TIAM1: variants seen among roughly 807,000 people sequenced by gnomAD.
TIAM1 encodes TIAM Rac1 associated GEF 1.
Under a neutral mutation model 163.5 loss-of-function variants are expected in TIAM1, and 65 were observed. The observed-to-expected ratio is 0.40, with a 90% CI of 0.33 to 0.49. The LOEUF (loss-of-function observed/expected upper bound fraction) is 0.49. Ranked by LOEUF, TIAM1 falls within the 20% of genes least tolerant of loss-of-function variation. TIAM1 has a pLI of 0.77. For missense variants in TIAM1, 1,789 were observed against 2,044.7 expected (o/e 0.87, Z 2.41); for synonymous variants, 833 against 810.1 (o/e 1.03, Z -0.48).
intron 19 of TIAM1, among the ~76,000 whole-genome samples, chr21:31,149,680 T>C (rs186173779): frequency 8.5e-5 from 13 of 152,360 alleles, no homozygotes; most frequent in African/African-American, 2.6e-4. Flanking sequence ...TTAAAGTATG[T>C]CTATAACCAT....
At chr21:31,195,767 G>A (rs76461005) in intron 12 of TIAM1, among the ~76,000 whole-genome samples, 6 of 152,250 alleles carry the variant, frequency 3.9e-5, no homozygotes, top group African/African-American at 1.2e-4. Flanking sequence ...AACAAATTAC[G>A]TAAAGGAGGA....
chr21:31,325,667 CAAAA>C (rs200884558), intron 2 of TIAM1, among the ~76,000 whole-genome samples: 1 of 99,954 alleles, frequency 1.0e-5, no homozygotes. Flanking sequence ...GACTCTGACT[CAAAA>C]AAAAAAAAAA....
At chr21:31,210,392 T>G (rs2086660476) in intron 10 of TIAM1, among the ~76,000 whole-genome samples, 177 bp from the exon 11 acceptor site, 1 of 151,274 alleles carries the variant, frequency 6.6e-6, no homozygotes. Flanking sequence ...AAAGCAGATT[T>G]ATGGTGCAAT....
intron 2 of TIAM1, among the ~76,000 whole-genome samples, chr21:31,371,278 C>G (rs545951473): frequency 4.6e-5 from 7 of 152,294 alleles, no homozygotes; most frequent in African/African-American, 1.7e-4. Context: ...ATCATTCAGG[C>G]AACAGGACTG....
At chr21:31,468,045 C>A (rs1252701090) in intron 1 of TIAM1, among the ~76,000 whole-genome samples, 1 of 149,638 alleles carries the variant, frequency 6.7e-6, no homozygotes, top group East Asian at 2.0e-4. Context: ...AGGATCATCA[C>A]ACCATTGCAC....
At chr21:31,399,207 T>C (rs1220470665) in intron 2 of TIAM1, among the ~76,000 whole-genome samples, 4 of 152,066 alleles carry the variant, frequency 2.6e-5, no homozygotes, top group African/African-American at 4.8e-5. Flanking sequence ...ATAACATCAA[T>C]GCCCCCTGAG....
chr21:31,466,669 C>T (rs2045543712), intron 1 of TIAM1, among the ~76,000 whole-genome samples: 1 of 152,198 alleles, frequency 6.6e-6, no homozygotes. Context: ...ATCCAGACGT[C>T]CTGGCCCGAA....
At chr21:31,278,328 T>C (rs1307018979) in intron 2 of TIAM1, among the ~76,000 whole-genome samples, 1 of 152,228 alleles carries the variant, frequency 6.6e-6, no homozygotes, top group Non-Finnish European at 1.5e-5. Context: ...GGAAAATCAA[T>C]GGACAAGAGC....
chr21:31,480,885 CTGTGA>C (rs2046088801), intron 1 of TIAM1, among the ~76,000 whole-genome samples: 2 of 152,166 alleles, frequency 1.3e-5, no homozygotes, highest in Non-Finnish European at 2.9e-5. Flanking sequence ...TCCCGAATAG[CTGTGA>C]TTACAGACAT....
chr21:31,498,552 G>A (rs1384744346), intron 1 of TIAM1, among the ~76,000 whole-genome samples: 1 of 152,204 alleles, frequency 6.6e-6, no homozygotes, highest in Non-Finnish European at 1.5e-5. Flanking sequence ...GGGCACACCT[G>A]TGCATGTTTG....
intron 2 of TIAM1, among the ~76,000 whole-genome samples, chr21:31,422,719 C>T (rs1368627594): frequency 6.6e-6 from 1 of 152,204 alleles, no homozygotes; most frequent in Non-Finnish European, 1.5e-5. Flanking sequence ...CAATGAGCAC[C>T]TCTCATGAAC....
At chr21:31,197,211 C>T (rs2085905069) in intron 12 of TIAM1, among the ~76,000 whole-genome samples, 1 of 152,102 alleles carries the variant, frequency 6.6e-6, no homozygotes, top group Non-Finnish European at 1.5e-5. Context: ...AGGTAACAAA[C>T]CTGCACATGT....
intron 2 of TIAM1, among the ~76,000 whole-genome samples, chr21:31,400,167 A>T (rs1469479057): frequency 6.6e-6 from 1 of 151,540 alleles, no homozygotes; most frequent in Non-Finnish European, 1.5e-5. Flanking sequence ...TAGCTCTGCC[A>T]CCCAGGCTAG....
intron 1 of TIAM1, among the ~76,000 whole-genome samples, chr21:31,503,604 G>GA (rs2046931254): frequency 7.0e-4 from 1 of 1,430 alleles, no homozygotes; most frequent in Non-Finnish European, 1.2e-3. Context: ...GGGAGGGGAG[G>GA]GGAGGGGAGG....
In TIAM1 at chr21:31,266,924, T is replaced by G. The variant is rs1161267708; in HGVS notation, c.49A>C (p.Lys17Gln). ...TGCTTGCGCCCCAGGCTGGCATGCT[T>G]TTCTCCATAAAACTCGTGCTCTACA... ...QHVEHEFYGE[K>Q]HASLGRKHTS... Residue 17 changes from lysine to glutamine, a missense_variant, in exon 4 of 28, where the codon AAG (lysine) becomes CAG (glutamine). Coordinates refer to ENST00000541036, the MANE Select transcript of TIAM1 (RefSeq NM_001353694.2). The G allele has an allele frequency of 1.2e-6, 2 of 1,611,258 alleles. No individual in the cohort carries two copies. Among genetic ancestry groups the G allele is most frequent in the African/African-American group, 2.7e-5 (2 of 74,908 alleles).
At position 31,210,024 on chromosome 21, in the gene TIAM1, C is replaced by G. The variant is rs551005721; in HGVS notation, c.2388+21G>C. The G allele has an allele frequency of 1.9e-6, 3 of 1,601,392 alleles. No individual in the cohort carries two copies. The South Asian group carries it at 3.4e-5, about 18-fold the overall frequency. ...CCCCATTCTGCTCTTCTTGGAGAAACAACCCAAAGCAGCTCCATACCTTGC... is the reference window on the plus strand; with the variant it reads ...CCCCATTCTGCTCTTCTTGGAGAAAGAACCCAAAGCAGCTCCATACCTTGC... On this transcript the variant is annotated intron_variant, in intron 11 of 27. Transcript: ENST00000541036.
At chr21:31,479,233 A>G (rs2046029958) in intron 1 of TIAM1, among the ~76,000 whole-genome samples, 1 of 152,184 alleles carries the variant, frequency 6.6e-6, no homozygotes, top group African/African-American at 2.4e-5. Flanking sequence ...GAATTTTAAA[A>G]AGCCACTTCC....
Position 31,522,281 on chromosome 21 carries a change from C to T in TIAM1, c.-422+36646G>A, listed in dbSNP as rs538607145. Among the ~76,000 whole-genome samples, 267 of 151,362 alleles carry T rather than the reference C, an allele frequency of 1.8e-3. 1 individual carries two copies. Among genetic ancestry groups the T allele is most frequent in the African/African-American group, 6.0e-3 (249 of 41,424 alleles). On this transcript the variant is annotated intron_variant, in intron 1 of 28. Transcript: ENST00000286827. ...CAACACTTTGGGAGGCCAAGGTGGGCGGATCACCTGAGGTCAAAAGTTCGA... is the reference window on the plus strand; with the variant it reads ...CAACACTTTGGGAGGCCAAGGTGGGTGGATCACCTGAGGTCAAAAGTTCGA...
chr21:31,407,878 T>C (rs1391344213), intron 2 of TIAM1, among the ~76,000 whole-genome samples: 1 of 152,076 alleles, frequency 6.6e-6, no homozygotes, highest in Non-Finnish European at 1.5e-5. Flanking sequence ...CCTCAGGTGA[T>C]CGGCCAGCCT....
Sources: gnomAD v4.1 joint callset for allele counts (sites outside exome capture counted in the v4.1 genomes callset) on GRCh38, gnomAD v4.1.1 for gene constraint, MANE v1.5 for transcripts, NCBI Gene and HGNC (gene_info 2026-07-23, HGNC 2026-07-21) for gene names.